The following TSHZ2 variants were observed in gnomAD, a reference collection of about 807,000 sequenced individuals.
TSHZ2 encodes teashirt zinc finger homeobox 2, also known as teashirt homolog 2.
In TSHZ2, 21 loss-of-function variants were observed where a neutral mutation model predicts 74.4. That is an observed-to-expected ratio of 0.28 (90% CI 0.20 to 0.41). The LOEUF is 0.41. Ranked by LOEUF, TSHZ2 falls within the 10% of genes least tolerant of loss-of-function variation. TSHZ2 has a pLI of 1.00. For missense variants in TSHZ2, 1,244 were observed against 1,293.5 expected, an observed-to-expected ratio of 0.96 and a Z score of 0.59; for synonymous variants, 540 against 515.3, an observed-to-expected ratio of 1.05 and a Z score of -0.65.
rs77966690 is a variant in TSHZ2, at chr20:53,193,197, A to C, written c.41-60302A>C. ...AAAAAAAAAGAAAAAAGAAAAAAAA[A>C]ACACCACCTCTGGTTTCCTGTATTC... is the stretch of plus-strand genomic sequence containing the variant. On this transcript the variant is annotated intron_variant, in intron 1 of 2. Transcript: ENST00000371497. 1.6e-4 allele frequency among the ~76,000 whole-genome samples: 24 copies of C among 152,138 alleles called. No individual in the cohort carries two copies. In the East Asian group the frequency reaches 4.2e-3, roughly 27 times the overall value.
chr20:53,017,397 T>A (rs1457976993), intron 1 of TSHZ2, among the ~76,000 whole-genome samples: 2 of 152,218 alleles, frequency 1.3e-5, no homozygotes, highest in Non-Finnish European at 1.5e-5. Context: ...GATGTAATTC[T>A]GGTGTTTCAC....
At chr20:53,225,705 G>A (rs1030658079) in intron 1 of TSHZ2, among the ~76,000 whole-genome samples, 9 of 152,132 alleles carry the variant, frequency 5.9e-5, no homozygotes, top group Admixed American at 1.3e-4. Context: ...AAATCACACC[G>A]CTTGTTCATT....
chr20:53,087,345 A>G (rs1985729567), intron 1 of TSHZ2, among the ~76,000 whole-genome samples: 1 of 152,192 alleles, frequency 6.6e-6, no homozygotes, highest in Admixed American at 6.5e-5. Flanking sequence ...AATTGTTTGC[A>G]CAGTTGGTCA....
At chr20:53,357,914 C>G (rs888664854) in intron 2 of TSHZ2, among the ~76,000 whole-genome samples, 2 of 152,184 alleles carry the variant, frequency 1.3e-5, no homozygotes, top group African/African-American at 4.8e-5. Context: ...TGTTATGACA[C>G]AGGCCACCAG....
At chr20:53,146,843 G>A (rs1482333713) in intron 1 of TSHZ2, among the ~76,000 whole-genome samples, 3 of 152,300 alleles carry the variant, frequency 2.0e-5, no homozygotes, top group Non-Finnish European at 4.4e-5. Context: ...AGCGAGGCGG[G>A]CGTGAAGGAT....
At chr20:53,020,983 G>C (rs541204332) in intron 1 of TSHZ2, among the ~76,000 whole-genome samples, 1 of 152,202 alleles carries the variant, frequency 6.6e-6, no homozygotes, top group East Asian at 1.9e-4. Context: ...TACCTTTTAG[G>C]ATAAGTGTGT....
intron 2 of TSHZ2, among the ~76,000 whole-genome samples, chr20:53,463,136 G>T (rs770851080): frequency 7.2e-5 from 11 of 152,224 alleles, no homozygotes; most frequent in Non-Finnish European, 1.5e-4. Context: ...GCTCTGGATT[G>T]TACATAAGAT....
intron 1 of TSHZ2, among the ~76,000 whole-genome samples, chr20:53,201,016 A>T (rs200566336): frequency 1.3e-5 from 2 of 149,304 alleles, no homozygotes; most frequent in Non-Finnish European, 3.0e-5. Flanking sequence ...TTTTCCATTA[A>T]TTTTTTTTTT....
chr20:53,334,337 G>C (rs1337591478), intron 2 of TSHZ2, among the ~76,000 whole-genome samples: 3 of 152,164 alleles, frequency 2.0e-5, no homozygotes, highest in African/African-American at 7.2e-5. Context: ...AGTCATCTGA[G>C]CTAAGGTCTG....
chr20:53,294,180 C>T (rs1600794801), intron 2 of TSHZ2, among the ~76,000 whole-genome samples: 1 of 152,134 alleles, frequency 6.6e-6, no homozygotes, highest in Non-Finnish European at 1.5e-5. Context: ...CTTAATCGCT[C>T]TAGCCTCCAG....
intron 2 of TSHZ2, among the ~76,000 whole-genome samples, chr20:53,374,576 C>T (rs1981592401): frequency 1.3e-5 from 2 of 152,122 alleles, no homozygotes; most frequent in South Asian, 4.1e-4. Flanking sequence ...AACTGCTTTC[C>T]ACAATGACTA....
intron 1 of TSHZ2, among the ~76,000 whole-genome samples, chr20:53,105,061 G>C (rs1986324034): frequency 1.3e-5 from 2 of 152,160 alleles, no homozygotes; most frequent in Admixed American, 1.3e-4. Flanking sequence ...AGAGATTTCT[G>C]CATTCCTAGA....
chr20:53,043,071 G>A (rs1311403367), intron 1 of TSHZ2, among the ~76,000 whole-genome samples: 1 of 152,120 alleles, frequency 6.6e-6, no homozygotes. Flanking sequence ...ATTTTTTTAG[G>A]TTGGCAAAGA....
intron 1 of TSHZ2, among the ~76,000 whole-genome samples, chr20:53,176,340 G>T (rs941117516): frequency 3.9e-5 from 6 of 152,320 alleles, no homozygotes; most frequent in Non-Finnish European, 7.3e-5. Context: ...TAGCCAGCAG[G>T]TGTCAGAGGG....
intron 1 of TSHZ2, among the ~76,000 whole-genome samples, chr20:53,214,720 T>C (rs1367095317): frequency 6.6e-6 from 1 of 151,484 alleles, no homozygotes; most frequent in Non-Finnish European, 1.5e-5. Context: ...TGTCTCAAAA[T>C]GAAAAGAAGA....
chr20:53,253,870 T>G lies in TSHZ2; in HGVS notation c.412T>G (p.Trp138Gly). Residue 138 changes from tryptophan (W) to glycine (G), a missense_variant, in exon 2 of 3, where the codon TGG becomes GGG. By Grantham distance (184) the Trp-to-Gly change is radical. This residue lies in a region of TSHZ2 where 470 missense variants were observed against 456.5 expected (regional missense o/e 1.03). Transcript: ENST00000371497. The part of the protein sequence containing the change: ...VYANILSDSY[W>G]SGLGLGFKLS... ...CGCCAACATCCTGTCGGATTCCTAC[T>G]GGTCAGGCCTGGGCCTTGGCTTCAA... 6.2e-7 allele frequency: 1 copy of G among 1,614,220 alleles called. No individual in the cohort carries two copies. Among genetic ancestry groups the G allele is most frequent in the Non-Finnish European group, 8.5e-7 (1 of 1,180,044 alleles).
intron 2 of TSHZ2, among the ~76,000 whole-genome samples, chr20:53,388,288 G>A (rs1982120328): frequency 6.6e-6 from 1 of 152,218 alleles, no homozygotes; most frequent in Non-Finnish European, 1.5e-5. Flanking sequence ...TGAAGATACT[G>A]TTCATTCAAA....
chr20:53,130,446 G>A (rs536973328), intron 1 of TSHZ2, among the ~76,000 whole-genome samples: 16 of 152,120 alleles, frequency 1.1e-4, no homozygotes, highest in African/African-American at 2.9e-4. Context: ...CCAATGCAGC[G>A]AAACCCCATC....
intron 2 of TSHZ2, among the ~76,000 whole-genome samples, chr20:53,376,837 CAG>C (rs1471080338): frequency 6.6e-6 from 1 of 152,258 alleles, no homozygotes; most frequent in Admixed American, 6.5e-5. Context: ...CAAGCACTCT[CAG>C]AGGCCCACAG....
Sources: gnomAD v4.1 joint callset for allele counts (sites outside exome capture counted in the v4.1 genomes callset) on GRCh38, gnomAD v4.1.1 for gene constraint, gnomAD v4.1.1 regional missense constraint, MANE v1.5 for transcripts, NCBI Gene and HGNC (gene_info 2026-07-23, HGNC 2026-07-21) for gene names.